Variants in CCDC141 observed in about 807,000 individuals in gnomAD.
CCDC141 encodes coiled-coil domain-containing protein 141.
CCDC141 carries 168 observed loss-of-function variants against 181.0 expected under a neutral mutation model. That is an observed-to-expected ratio of 0.93 (90% CI 0.82 to 1.05). CCDC141 has a LOEUF of 1.05. Ranked by LOEUF, CCDC141 falls within the 50% of genes least tolerant of loss-of-function variation. The pLI, the probability that CCDC141 is intolerant of heterozygous loss-of-function variation, is 0.00. For synonymous variants in CCDC141, 666 were observed against 642.3 expected (o/e 1.04, Z -0.56); for missense variants, 1,902 against 1,788.5 (o/e 1.06, Z -1.14).
rs1690741115 is a variant in CCDC141 at position 178,968,647 on chromosome 2, A to G, written c.526+6410T>C. On this transcript the variant is annotated intron_variant, in intron 4 of 23. Coordinates refer to ENST00000443758, the MANE Select transcript of CCDC141 (RefSeq NM_173648.4). ...ACAAAAGAAAGCAGGAAAGATCTAA[A>G]ATTGACACCTTAACATCAAAATTAA... 9.8e-5 allele frequency among the ~76,000 whole-genome samples: 15 copies of G among 152,340 alleles called. 4 individuals carry two copies. In the South Asian group the frequency reaches 3.1e-3, roughly 32 times the overall value.
chr2:179,025,309 C>T (rs1348979079), intron 2 of CCDC141, among the ~76,000 whole-genome samples: 1 of 152,106 alleles, frequency 6.6e-6, no homozygotes, highest in Non-Finnish European at 1.5e-5. Flanking sequence ...TGAATTGTAA[C>T]TCCCACAATT....
intron 8 of CCDC141, among the ~76,000 whole-genome samples, chr2:178,901,956 C>T: frequency 6.6e-6 from 1 of 152,036 alleles, no homozygotes; most frequent in East Asian, 1.9e-4. Flanking sequence ...TCTTATACAC[C>T]AACAACAGAC....
chr2:178,819,487 C>T, the CCDC141 span, among the ~76,000 whole-genome samples: 11 of 152,164 alleles, frequency 7.2e-5, no homozygotes, highest in Admixed American at 7.2e-4. Context: ...GTGAAGAGCA[C>T]ATTATTTGCT....
intron 4 of CCDC141, among the ~76,000 whole-genome samples, chr2:178,970,175 T>C (rs1443330279): frequency 1.3e-5 from 2 of 152,142 alleles, no homozygotes; most frequent in Non-Finnish European, 2.9e-5. Flanking sequence ...AGAATCAATA[T>C]TGTGAAAATG....
intron 2 of CCDC141, among the ~76,000 whole-genome samples, chr2:178,983,101 T>C (rs894753194): frequency 1.3e-5 from 2 of 152,154 alleles, no homozygotes; most frequent in African/African-American, 2.4e-5. Context: ...GTTCTCCCAG[T>C]ACGCAGCTGG....
chr2:179,015,095 T>TA (rs1449268223), intron 2 of CCDC141, among the ~76,000 whole-genome samples: 4 of 34,772 alleles, frequency 1.2e-4, no homozygotes, highest in Admixed American at 6.8e-4. Context: ...TATATATATA[T>TA]ATATATATAA....
chr2:178,982,681 TC>T (rs1165011505), intron 2 of CCDC141, among the ~76,000 whole-genome samples: 1 of 152,152 alleles, frequency 6.6e-6, no homozygotes, highest in East Asian at 1.9e-4. Flanking sequence ...GAGTTCCCTT[TC>T]CTAATCAAAG....
At position 179,015,699 on chromosome 2, in the gene CCDC141, T is replaced by TACATATCTC. The variant is rs1175410160; in HGVS notation, c.225+31584_225+31585insGAGATATGT. 2.7e-4 allele frequency among the ~76,000 whole-genome samples: 33 copies of TACATATCTC among 122,086 alleles called. 1 individual carries two copies. Among genetic ancestry groups the TACATATCTC allele is most frequent in the African/African-American group, 9.8e-4 (31 of 31,564 alleles). 80.1% of individuals were successfully genotyped at this position (122,086 alleles called of 152,430 possible). ...TCATATATATCTCATACATATCTCATATATATATCTCATACATATCTCATA... is the reference window on the plus strand; with the variant it reads ...TCATATATATCTCATACATATCTCATACATATCTCATATATATCTCATACATATCTCATA... On this transcript the variant is annotated intron_variant, in intron 2 of 23. Coordinates refer to ENST00000443758, the MANE Select transcript of CCDC141 (RefSeq NM_173648.4).
the CCDC141 span, among the ~76,000 whole-genome samples, chr2:178,822,926 T>C: frequency 6.6e-6 from 1 of 152,342 alleles, no homozygotes; most frequent in African/African-American, 2.4e-5. Flanking sequence ...AAAATAACCA[T>C]GTAATCTTTG....
downstream of CCDC141, among the ~76,000 whole-genome samples, chr2:178,828,635 C>CT (rs1415263264): frequency 1.3e-5 from 2 of 152,164 alleles, no homozygotes; most frequent in Non-Finnish European, 2.9e-5. Flanking sequence ...TGGGCATATT[C>CT]CCCTTTCTGA....
chr2:178,849,348 T>C (rs1474878626), intron 21 of CCDC141, among the ~76,000 whole-genome samples: 1 of 152,164 alleles, frequency 6.6e-6, no homozygotes, highest in Non-Finnish European at 1.5e-5. Flanking sequence ...AATCCAATTA[T>C]TTAGGGAGTT....
Position 178,968,589 on chromosome 2 carries a change from T to G in CCDC141, c.526+6468A>C, listed in dbSNP as rs564958205. Among the ~76,000 whole-genome samples, 287 of 152,166 alleles carry G rather than the reference T, an allele frequency of 1.9e-3. 2 individuals are homozygous for G. Among genetic ancestry groups the G allele is most frequent in the African/African-American group, 6.7e-3 (278 of 41,492 alleles). ...AATCTCTGGGACACATTTAAAGCAG[T>G]GAGTAGAGGGAAATTTATAGCACTA... On this transcript the variant is annotated intron_variant, in intron 4 of 23. Coordinates refer to ENST00000443758, the MANE Select transcript of CCDC141 (RefSeq NM_173648.4).
intron 4 of CCDC141, 98 bp from the exon 5 acceptor site, chr2:178,961,581 A>T: frequency 1.0e-6 from 1 of 1,003,958 alleles, no homozygotes; most frequent in Non-Finnish European, 1.4e-6. Context: ...TGTAATTTTT[A>T]TGTTAATAAA....
chr2:179,002,959 T>G (rs572395234), intron 2 of CCDC141, among the ~76,000 whole-genome samples: 19 of 152,282 alleles, frequency 1.2e-4, no homozygotes, highest in Non-Finnish European at 2.2e-4. Context: ...TTATAAAAGC[T>G]ATTCTGCCAG....
At chr2:178,885,938 G>C (rs1686863873) in intron 10 of CCDC141, among the ~76,000 whole-genome samples, 1 of 152,128 alleles carries the variant, frequency 6.6e-6, no homozygotes, top group Admixed American at 6.6e-5. Context: ...AGGAAGCGGG[G>C]AATTTCTTCC....
the CCDC141 span, among the ~76,000 whole-genome samples, chr2:178,824,514 G>A: frequency 6.6e-6 from 1 of 150,954 alleles, no homozygotes; most frequent in African/African-American, 2.4e-5. Context: ...AGCTACTCAG[G>A]AGGCTGAGGC....
chr2:178,888,137 A>G (rs1032372514), intron 9 of CCDC141, among the ~76,000 whole-genome samples: 2 of 152,204 alleles, frequency 1.3e-5, no homozygotes, highest in Non-Finnish European at 2.9e-5. Context: ...CTATGTATCA[A>G]TCTATCTACC....
At chr2:178,988,266 C>T (rs1691851558) in intron 2 of CCDC141, among the ~76,000 whole-genome samples, 1 of 138,452 alleles carries the variant, frequency 7.2e-6, no homozygotes, top group African/African-American at 2.7e-5. Context: ...GGGAATTGAA[C>T]AGTGAGATCA....
At chr2:179,005,218 T>A (rs945253150) in intron 2 of CCDC141, among the ~76,000 whole-genome samples, 1 of 152,116 alleles carries the variant, frequency 6.6e-6, no homozygotes, top group African/African-American at 2.4e-5. Flanking sequence ...AATTAGACTA[T>A]CTGTAATGAA....
Sources: allele counts gnomAD v4.1 joint callset (sites outside exome capture counted in the v4.1 genomes callset), GRCh38; gene constraint gnomAD v4.1.1; transcripts MANE v1.5; gene names NCBI Gene and HGNC (gene_info 2026-07-23, HGNC 2026-07-21).